CELF2: variants seen among roughly 807,000 people sequenced by gnomAD.
The protein encoded by CELF2 is CUG triplet repeat RNA-binding protein 2.
A neutral mutation model predicts 62.6 loss-of-function variants in CELF2; 8 were observed. The ratio of observed to expected loss-of-function variants is 0.13; its 90% CI spans 0.07 to 0.23. CELF2 has a LOEUF of 0.23. Among genes scored for constraint, CELF2 ranks in the 10% least tolerant of loss-of-function variants. CELF2 has a pLI of 1.00. For missense variants in CELF2, 333 were observed against 671.0 expected (o/e 0.50, Z 5.56); for synonymous variants, 258 against 250.0 (o/e 1.03, Z -0.30).
chr10:11,070,350 T>A (rs186118356), intron 1 of CELF2, among the ~76,000 whole-genome samples: 1 of 152,164 alleles, frequency 6.6e-6, no homozygotes, highest in Non-Finnish European at 1.5e-5. Context: ...CGGGCACCCA[T>A]GATCCAGGGA....
chr10:11,046,831 A>G lies in CELF2; in HGVS notation c.74+28668A>G, dbSNP rs1357631634. On this transcript the variant is annotated intron_variant, in intron 1 of 12. Transcript: ENST00000633077. This position sits in a 1 kb window ranked among gnomAD's most constrained non-coding sequence, Gnocchi z 4.6. ...TTGTTGCTTTATTTTCTAAAATTTT[A>G]AATTTCATCGAAACTGCCTCCACTA... Among the ~76,000 whole-genome samples the G allele has an allele frequency of 2.0e-5, 3 of 152,232 alleles. No individual in the cohort carries two copies. Among genetic ancestry groups the G allele is most frequent in the Non-Finnish European group, 4.4e-5 (3 of 68,046 alleles).
chr10:10,626,662 A>G, the CELF2 span, among the ~76,000 whole-genome samples: 3 of 152,216 alleles, frequency 2.0e-5, no homozygotes, highest in Non-Finnish European at 4.4e-5. Context: ...GAGTTGAAAC[A>G]GAATTATTCT....
the CELF2 span, among the ~76,000 whole-genome samples, chr10:10,724,548 C>A: frequency 1.3e-5 from 2 of 150,150 alleles, no homozygotes; most frequent in Admixed American, 1.4e-4. Context: ...CCCAGCTACT[C>A]AGGAGGCTGA....
intron 5 of CELF2, among the ~76,000 whole-genome samples, chr10:11,258,597 C>T (rs9423849): frequency 0.04 from 6,132 of 152,310 alleles, 224 homozygotes; most frequent in African/African-American, 0.098. Flanking sequence ...CAATGCCACA[C>T]ACCTCCTTCC....
At position 11,178,198 on chromosome 10, in the gene CELF2, T is replaced by C; in HGVS notation, c.271+12516T>C. On this transcript the variant is annotated intron_variant, in intron 2 of 12. Coordinates refer to ENST00000633077, the MANE Select transcript of CELF2 (RefSeq NM_001326342.2). The surrounding 1 kb of genome is among the most constrained non-coding windows in gnomAD (Gnocchi z 4.3). ...TTCTGTGCCCAGTCCTCGCTCCCCT[T>C]TGCCAACCGGGCTGCTGAGTGTGAT... Among the ~76,000 whole-genome samples the C allele has an allele frequency of 6.6e-6, 1 of 152,204 alleles. No individual in the cohort carries two copies. The highest frequency in any genetic ancestry group is 1.9e-4 in the East Asian group (1 of 5,200).
the CELF2 span, among the ~76,000 whole-genome samples, chr10:10,713,250 TAATGTCTATTCCTGA>T: frequency 3.3e-5 from 5 of 152,224 alleles, no homozygotes; most frequent in Non-Finnish European, 7.3e-5. Context: ...CTCTTACTCA[TAATGTCTATTCCTGA>T]AATTATCTTA....
chr10:11,270,295 C>T lies in CELF2; in HGVS notation c.619-371C>T, dbSNP rs1483872117. Reference sequence around the variant, plus strand: ...GTGGACACGGGCAGACACACAAAGCCAAGTCTGTCTTTAAGACGAGCAGCC... The same window carrying T: ...GTGGACACGGGCAGACACACAAAGCTAAGTCTGTCTTTAAGACGAGCAGCC... On this transcript the variant is annotated intron_variant, in intron 6 of 12. Transcript: ENST00000633077. The surrounding 1 kb of genome is among the most constrained non-coding windows in gnomAD (Gnocchi z 5.8). Among the ~76,000 whole-genome samples, 1 of 152,178 alleles carries T rather than the reference C, an allele frequency of 6.6e-6. No individual in the cohort carries two copies. Among genetic ancestry groups the T allele is most frequent in the Non-Finnish European group, 1.5e-5 (1 of 68,024 alleles).
the CELF2 span, among the ~76,000 whole-genome samples, chr10:10,562,925 A>ATT: frequency 5.7e-5 from 8 of 141,570 alleles, no homozygotes; most frequent in African/African-American, 2.2e-4. Flanking sequence ...AGTCTAAGGC[A>ATT]TTTTTTTTTT....
intron 2 of CELF2, among the ~76,000 whole-genome samples, chr10:10,966,330 T>A (rs973996747): frequency 1.3e-5 from 2 of 152,234 alleles, no homozygotes; most frequent in Admixed American, 1.3e-4. Context: ...ATGAGTGTGG[T>A]ACAGTGGAGC....
intron 1 of CELF2, among the ~76,000 whole-genome samples, chr10:10,849,203 C>T (rs894812379): frequency 4.6e-5 from 7 of 151,258 alleles, no homozygotes; most frequent in African/African-American, 1.7e-4. Flanking sequence ...TCGAGACCAG[C>T]CTGGCCAAAA....
At chr10:10,555,026 C>CA in the CELF2 span, among the ~76,000 whole-genome samples, 23 of 152,012 alleles carry the variant, frequency 1.5e-4, no homozygotes, top group African/African-American at 5.3e-4. Context: ...AAAAGAGTTA[C>CA]AAAGAGAAAG....
chr10:10,748,370 T>C, the CELF2 span, among the ~76,000 whole-genome samples: 1 of 152,218 alleles, frequency 6.6e-6, no homozygotes, highest in Non-Finnish European at 1.5e-5. Flanking sequence ...TATTTGTCTC[T>C]AAATAAAATT....
chr10:10,648,859 C>T, the CELF2 span, among the ~76,000 whole-genome samples: 1 of 152,172 alleles, frequency 6.6e-6, no homozygotes, highest in South Asian at 2.1e-4. Context: ...ATTACTATAG[C>T]TGCATTCCAT....
chr10:10,690,778 G>T, the CELF2 span, among the ~76,000 whole-genome samples: 6 of 152,166 alleles, frequency 3.9e-5, no homozygotes, highest in Non-Finnish European at 8.8e-5. Context: ...TACTCAGGAG[G>T]CTGAGGCATG....
chr10:11,065,141 TTC>T (rs1229832030), intron 1 of CELF2, among the ~76,000 whole-genome samples: 1 of 152,222 alleles, frequency 6.6e-6, no homozygotes, highest in Non-Finnish European at 1.5e-5. Context: ...GGAGCTCACC[TTC>T]TGTTAAACAA....
At chr10:10,734,087 T>G in the CELF2 span, among the ~76,000 whole-genome samples, 1 of 151,984 alleles carries the variant, frequency 6.6e-6, no homozygotes, top group Non-Finnish European at 1.5e-5. Flanking sequence ...TACTTCTACA[T>G]GTTCATTTTT....
chr10:10,761,920 G>A, the CELF2 span, among the ~76,000 whole-genome samples: 1 of 149,898 alleles, frequency 6.7e-6, no homozygotes, highest in South Asian at 2.2e-4. Context: ...GTGTGTGTGT[G>A]TGTGTGTGTG....
At chr10:10,996,495 C>A (rs1319810608) in intron 2 of CELF2, among the ~76,000 whole-genome samples, 2 of 152,170 alleles carry the variant, frequency 1.3e-5, no homozygotes, top group East Asian at 1.9e-4. Flanking sequence ...TGGGTTACTG[C>A]CCCAGTTCCC....
chr10:10,666,784 C>T, the CELF2 span, among the ~76,000 whole-genome samples: 2 of 120,970 alleles, frequency 1.7e-5, no homozygotes, highest in African/African-American at 3.5e-5. Context: ...ATGGCGTGAA[C>T]CCGGGAGGCG....
Sources: gnomAD v4.1 joint callset for allele counts (sites outside exome capture counted in the v4.1 genomes callset) on GRCh38, gnomAD v4.1.1 for gene constraint, Gnocchi (gnomAD v3.1) non-coding constraint, MANE v1.5 for transcripts, NCBI Gene and HGNC (gene_info 2026-07-23, HGNC 2026-07-21) for gene names.